Variants in SPTBN5 observed in about 807,000 individuals in gnomAD.
SPTBN5 encodes the protein spectrin beta, non-erythrocytic 5.
Under a neutral mutation model 477.6 loss-of-function variants are expected in SPTBN5, and 513 were observed. The observed-to-expected ratio is 1.07, with a 90% CI of 1.00 to 1.16. SPTBN5 has a LOEUF of 1.16. SPTBN5 is among the 50% of genes most tolerant of loss of function. The pLI is 0.00. For synonymous variants in SPTBN5, 2,169 were observed against 2,011.7 expected (o/e 1.08, Z -2.09); for missense variants, 5,062 against 4,731.8 (o/e 1.07, Z -2.05).
intron 49 of SPTBN5, 138 bp from the exon 50 acceptor site, chr15:41,857,848 C>G (rs2065973992): frequency 9.8e-7 from 1 of 1,024,064 alleles, no homozygotes; most frequent in Non-Finnish European, 1.4e-6. Context: ...CTTTCTTTAC[C>G]TAAGCCTCAT....
intron 67 of SPTBN5, among the ~76,000 whole-genome samples, chr15:41,849,224 TGGGTGAGGG>T (rs1455645078): frequency 6.6e-6 from 1 of 152,062 alleles, no homozygotes; most frequent in East Asian, 1.9e-4. Context: ...GAAGGAGATG[TGGGTGAGGG>T]GGGTTGAGCA....
At position 41,848,213 on chromosome 15, in the gene SPTBN5, A is replaced by C. The variant is rs556411122; in HGVS notation, c.*403T>G. On this transcript the variant is annotated 3_prime_UTR_variant, in exon 68 of 68. Transcript: ENST00000320955. The stretch of plus-strand genomic sequence containing the variant: ...TGTCATTCTAGGCTCTTGGCTGTAC[A>C]TGGCAAGGGCTGGTACAGAGCTCGC... 2 of 504,820 alleles carry C rather than the reference A, an allele frequency of 4.0e-6. No homozygotes were observed. The highest frequency in any genetic ancestry group is 7.2e-6 in the Non-Finnish European group (2 of 279,006). 31.3% of individuals were successfully genotyped at this position (504,820 alleles called of 1,614,324 possible). A position where few individuals can be genotyped will look rare whatever the true frequency, so the allele number is the denominator to read the frequency against.
At chr15:41,853,538 C>A (rs1187688365) in intron 58 of SPTBN5, 44 bp downstream of exon 58, 1 of 1,542,976 alleles carries the variant, frequency 6.5e-7, no homozygotes, top group Non-Finnish European at 8.8e-7. Flanking sequence ...ATACCCCCAC[C>A]CCACAGGGTA....
chr15:41,859,117 C>G (rs776741572), intron 47 of SPTBN5, 137 bp from the exon 48 acceptor site: 5 of 615,882 alleles, frequency 8.1e-6, no homozygotes, highest in South Asian at 2.9e-5. Context: ...TTGCACTCCC[C>G]CTCTGTATTT....
chr15:41,879,467 T>G lies in SPTBN5; in HGVS notation c.2975A>C (p.Lys992Thr), dbSNP rs774594969. 6.3e-7 allele frequency: 1 copy of G among 1,588,108 alleles called. No individual in the cohort carries two copies. The highest frequency in any genetic ancestry group is 2.3e-5 in the East Asian group (1 of 43,744). Reference protein sequence around the residue: ...WGQLEALKREKAVQLAHSVEV... With the variant: ...WGQLEALKRETAVQLAHSVEV... ...CACACTGTGTGCCAGCTGCACGGCCTTCTCCCTCTTCAGGGCCTCCAGCTG... is the reference window on the plus strand; with the variant it reads ...CACACTGTGTGCCAGCTGCACGGCCGTCTCCCTCTTCAGGGCCTCCAGCTG... Residue 992 changes from lysine (K) to threonine (T), a missense_variant, in exon 16 of 68, where the codon AAG becomes ACG. Transcript: ENST00000320955.
At chr15:41,849,748 A>AT in intron 67 of SPTBN5, 121 bp downstream of exon 67, 1 of 757,094 alleles carries the variant, frequency 1.3e-6, no homozygotes, top group Non-Finnish European at 2.2e-6. Flanking sequence ...TTCCAATAGC[A>AT]TTTCCCTACA....
At chr15:41,883,793 C>CTT (rs11296254) in intron 7 of SPTBN5, among the ~76,000 whole-genome samples, 1 of 146,192 alleles carries the variant, frequency 6.8e-6, no homozygotes, top group East Asian at 2.0e-4. Flanking sequence ...AGACTAAAAT[C>CTT]TTTTTTTTTT....
At position 41,888,072 on chromosome 15, in the gene SPTBN5, G is replaced by A. The variant is rs1259275886; in HGVS notation, c.515C>T (p.Ala172Val). 6.4e-7 allele frequency: 1 copy of A among 1,572,258 alleles called. No individual in the cohort carries two copies. Among genetic ancestry groups the A allele is most frequent in the East Asian group, 2.3e-5 (1 of 42,580 alleles). The stretch of plus-strand genomic sequence containing the variant: ...CTTGGTGGACAGCAGGGCTGCGCTG[G>A]CCCCAAACTCCTCCTGGCGGGACAG... ...HISLDKEEFG[A>V]SAALLSTKEA... Residue 172 changes from alanine (A) to valine (V), a missense_variant, in exon 5 of 68, where the codon GCC becomes GTC. Physicochemically the swap from Ala to Val is moderately conservative, Grantham distance 64. Transcript: ENST00000320955.
At chr15:41,861,657 C>T in intron 45 of SPTBN5, 78 bp downstream of exon 45, 1 of 1,506,376 alleles carries the variant, frequency 6.6e-7, no homozygotes, top group South Asian at 1.3e-5. Flanking sequence ...CAGTCTTAGC[C>T]TTGACCAGAG....
chr15:41,867,069 G>T lies in SPTBN5; in HGVS notation c.6370C>A (p.Leu2124Ile). ...TLRRPRVRDR[L>I]PILLQRRMRV... Reference sequence around the variant, plus strand: ...ATCCGGCGCTGCAGCAGGATGGGAAGCCGGTCCCGCACCCGGGGGCGCCGG... The same window carrying T: ...ATCCGGCGCTGCAGCAGGATGGGAATCCGGTCCCGCACCCGGGGGCGCCGG... The change falls in exon 36 of 68, where the codon CTT becomes ATT. Residue 2124 changes from leucine (L) to isoleucine (I), a missense_variant. Coordinates refer to ENST00000320955, the MANE Select transcript of SPTBN5 (RefSeq NM_016642.4). 6.5e-7 allele frequency: 1 copy of T among 1,548,818 alleles called. No individual in the cohort carries two copies.
At position 41,893,520 on chromosome 15, in the gene SPTBN5, G is replaced by A. The variant is rs2067380123; in HGVS notation, c.-23C>T. ...CATCAGCCCTGCAGACTTTGGGGAT[G>A]AGGAGCTGCTGGATGGCTCCCTAAA... is the stretch of plus-strand genomic sequence containing the variant. On this transcript the variant is annotated 5_prime_UTR_variant, in exon 2 of 68. Coordinates refer to ENST00000320955, the MANE Select transcript of SPTBN5 (RefSeq NM_016642.4). The A allele has an allele frequency of 1.9e-6, 3 of 1,550,524 alleles. No homozygotes were observed. The highest frequency in any genetic ancestry group is 2.6e-6 in the Non-Finnish European group (3 of 1,153,464).
chr15:41,878,719 G>C, intron 16 of SPTBN5, 90 bp from the exon 17 acceptor site: 2 of 1,410,620 alleles, frequency 1.4e-6, no homozygotes, highest in South Asian at 2.8e-5. Context: ...GCATCCCCCA[G>C]GGAGAGTGGT....
At position 41,882,157 on chromosome 15, in the gene SPTBN5, G is replaced by T. The variant is rs766079549; in HGVS notation, c.2248-12C>A. On this transcript the variant is annotated splice_polypyrimidine_tract_variant and intron_variant, in intron 11 of 67. Transcript: ENST00000320955. Reference sequence around the variant, plus strand: ...GCGTCCGCGAAGTACTGTGGGAGGGGGTCGGGGGTGGTGTGGGTGAAGGGG... The same window carrying T: ...GCGTCCGCGAAGTACTGTGGGAGGGTGTCGGGGGTGGTGTGGGTGAAGGGG... 2 of 1,560,214 alleles carry T rather than the reference G, an allele frequency of 1.3e-6. No individual in the cohort carries two copies. The highest frequency in any genetic ancestry group is 1.8e-5 in the Admixed American group (1 of 56,118).
At chr15:41,861,219 T>TG (rs1463679686) in intron 46 of SPTBN5, among the ~76,000 whole-genome samples, 200 bp downstream of exon 46, 2 of 152,134 alleles carry the variant, frequency 1.3e-5, no homozygotes, top group African/African-American at 4.8e-5. Flanking sequence ...GTGTTCGCGG[T>TG]GGGGCCTGCC....
chr15:41,850,697 G>A (rs949386246), intron 66 of SPTBN5, 157 bp downstream of exon 66: 42 of 683,908 alleles, frequency 6.1e-5, no homozygotes, highest in Non-Finnish European at 8.9e-5. Context: ...ACCTCTCCAG[G>A]ACCTAAATTC....
rs748593023 is a variant in SPTBN5 at position 41,872,351 on chromosome 15, C to T, written c.5116G>A (p.Glu1706Lys). 4 of 1,611,518 alleles carry T rather than the reference C, an allele frequency of 2.5e-6. No individual in the cohort carries two copies. Among genetic ancestry groups the T allele is most frequent in the Non-Finnish European group, 3.4e-6 (4 of 1,179,686 alleles). The change falls in exon 27 of 68, where the codon GAG becomes AAG. Residue 1706 changes from glutamate to lysine, a missense_variant. Coordinates refer to ENST00000320955, the MANE Select transcript of SPTBN5 (RefSeq NM_016642.4). The part of the protein sequence containing the change: ...EVPEQQRVVQ[E>K]RLREQLRALQ... Reference sequence around the variant, plus strand: ...GCCCGCAGCTGCTCCCGGAGCCTCTCCTGCACCACACGCTGCTGCTCAGGG... The same window carrying T: ...GCCCGCAGCTGCTCCCGGAGCCTCTTCTGCACCACACGCTGCTGCTCAGGG...
intron 56 of SPTBN5, 74 bp downstream of exon 56, chr15:41,854,708 T>C: frequency 7.6e-7 from 1 of 1,311,308 alleles, no homozygotes; most frequent in East Asian, 2.5e-5. Context: ...CCAAAGCCTG[T>C]GGTAAGGAGG....
Position 41,882,487 on chromosome 15 carries a change from AG to A in SPTBN5, c.2047-19del. 3 of 1,558,534 alleles carry A rather than the reference AG, an allele frequency of 1.9e-6. No individual in the cohort carries two copies. Among genetic ancestry groups the A allele is most frequent in the South Asian group, 2.3e-5 (2 of 85,478 alleles). On this transcript the variant is annotated intron_variant, in intron 10 of 67. Coordinates refer to ENST00000320955, the MANE Select transcript of SPTBN5 (RefSeq NM_016642.4). ...TCCAGGGCCTAGCGGGGGGCAGAGCAGGGGGCTCAGTGAAGGCAGAACAGGG... is the reference window on the plus strand; with the variant it reads ...TCCAGGGCCTAGCGGGGGGCAGAGCAGGGGCTCAGTGAAGGCAGAACAGGG...
chr15:41,878,995 G>T (rs2066847617), intron 16 of SPTBN5, among the ~76,000 whole-genome samples: 1 of 152,164 alleles, frequency 6.6e-6, no homozygotes, highest in African/African-American at 2.4e-5. Context: ...GAACCCGGGA[G>T]GCTGAGCTTC....
Sources: allele counts gnomAD v4.1 joint callset (sites outside exome capture counted in the v4.1 genomes callset), GRCh38; gene constraint gnomAD v4.1.1; transcripts MANE v1.5; gene names NCBI Gene and HGNC (gene_info 2026-07-23, HGNC 2026-07-21).